The following SUGCT variants were observed in gnomAD, a reference collection of about 807,000 sequenced individuals.
The protein encoded by SUGCT is succinyl-CoA:glutarate CoA-transferase.
A neutral mutation model predicts 55.0 loss-of-function variants in SUGCT; 41 were observed. The observed-to-expected ratio is 0.74, with a 90% CI of 0.58 to 0.97. SUGCT has a LOEUF of 0.97. SUGCT is among the 50% of genes least tolerant of loss of function. The probability of loss-of-function intolerance (pLI) is 0.00; values close to 1 mark genes in which losing one functional copy is unlikely to be tolerated. For synonymous variants in SUGCT, 187 were observed against 200.4 expected, an observed-to-expected ratio of 0.93 and a Z score of 0.56; for missense variants, 568 against 547.8, an observed-to-expected ratio of 1.04 and a Z score of -0.37.
chr7:40,220,049 T>C (rs752122970), intron 6 of SUGCT, among the ~76,000 whole-genome samples: 29 of 152,224 alleles, frequency 1.9e-4, no homozygotes, highest in Admixed American at 1.0e-3. Context: ...AGGAGACACA[T>C]GATTTATCAT....
intron 12 of SUGCT, among the ~76,000 whole-genome samples, chr7:40,506,565 G>A (rs1738222612): frequency 6.6e-6 from 1 of 152,012 alleles, no homozygotes; most frequent in African/African-American, 2.4e-5. Flanking sequence ...AGTTCATTGA[G>A]GTTCTTGGAT....
At chr7:40,511,174 C>A (rs551088732) in intron 12 of SUGCT, among the ~76,000 whole-genome samples, 8 of 152,248 alleles carry the variant, frequency 5.3e-5, no homozygotes, top group Admixed American at 1.3e-4. Flanking sequence ...TTAACCAAGT[C>A]ATCATACATC....
intron 13 of SUGCT, among the ~76,000 whole-genome samples, chr7:40,850,380 C>T (rs569576583): frequency 6.6e-6 from 1 of 152,150 alleles, no homozygotes; most frequent in Non-Finnish European, 1.5e-5. Context: ...AAGGACTGAG[C>T]AAAATGAATG....
intron 12 of SUGCT, among the ~76,000 whole-genome samples, chr7:40,719,076 G>A (rs920947525): frequency 2.6e-5 from 4 of 152,084 alleles, no homozygotes; most frequent in Non-Finnish European, 4.4e-5. Context: ...GATAAAGCCC[G>A]ATGCCCCGAC....
intron 12 of SUGCT, among the ~76,000 whole-genome samples, chr7:40,513,046 C>T (rs1020534681): frequency 2.6e-5 from 4 of 152,084 alleles, no homozygotes; most frequent in African/African-American, 4.8e-5. Context: ...GATGTAGATA[C>T]GCCTGTATAC....
chr7:40,478,887 C>T (rs1042869950), intron 11 of SUGCT, among the ~76,000 whole-genome samples: 6 of 151,916 alleles, frequency 3.9e-5, no homozygotes, highest in African/African-American at 1.2e-4. Context: ...CAAATCAAAT[C>T]GATTCGATAT....
At chr7:40,195,801 G>A (rs1417285093) in intron 6 of SUGCT, among the ~76,000 whole-genome samples, 1 of 131,658 alleles carries the variant, frequency 7.6e-6, no homozygotes, top group African/African-American at 2.9e-5. Flanking sequence ...TGCACCCTCT[G>A]CCCCTAGGTT....
At chr7:40,595,417 C>T (rs1336066413) in intron 12 of SUGCT, among the ~76,000 whole-genome samples, 3 of 152,070 alleles carry the variant, frequency 2.0e-5, no homozygotes, top group African/African-American at 7.2e-5. Context: ...CGAATAGAGT[C>T]AGTGAAAGTT....
intron 9 of SUGCT, among the ~76,000 whole-genome samples, chr7:40,446,494 C>T (rs1788847202): frequency 6.6e-6 from 1 of 152,144 alleles, no homozygotes; most frequent in Admixed American, 6.6e-5. Flanking sequence ...AATGCATTGT[C>T]TATGACACTA....
the SUGCT span, among the ~76,000 whole-genome samples, chr7:40,980,385 C>T: frequency 6.6e-6 from 1 of 152,118 alleles, no homozygotes; most frequent in African/African-American, 2.4e-5. Flanking sequence ...AATTCATGCC[C>T]TTATTGCATA....
chr7:40,673,377 G>A (rs1477747606), intron 12 of SUGCT, among the ~76,000 whole-genome samples: 1 of 152,018 alleles, frequency 6.6e-6, no homozygotes, highest in Non-Finnish European at 1.5e-5. Context: ...AACCACCTGT[G>A]GGCTCTGCTC....
At chr7:40,325,908 TG>T (rs577839294) in intron 9 of SUGCT, among the ~76,000 whole-genome samples, 14,821 of 143,684 alleles carry the variant, frequency 0.1, 1,393 homozygotes, top group East Asian at 0.41. Context: ...CTTTTTTTTT[TG>T]TTTGTTTTTG....
the SUGCT span, among the ~76,000 whole-genome samples, chr7:40,922,951 T>C: frequency 2.2e-4 from 33 of 152,344 alleles, no homozygotes; most frequent in African/African-American, 7.5e-4. Flanking sequence ...GTCTTGAAAG[T>C]GCCCAGCTCT....
At chr7:40,659,065 C>G (rs1237428669) in intron 12 of SUGCT, among the ~76,000 whole-genome samples, 1 of 152,170 alleles carries the variant, frequency 6.6e-6, no homozygotes, top group Non-Finnish European at 1.5e-5. Context: ...TCACTAGTCT[C>G]TGCTTATGAA....
chr7:40,265,661 A>C (rs184975295), intron 7 of SUGCT, among the ~76,000 whole-genome samples: 44 of 152,274 alleles, frequency 2.9e-4, no homozygotes, highest in African/African-American at 6.3e-4. Context: ...AACAAACAAA[A>C]AAAAAACCTT....
chr7:40,680,824 C>G (rs1020619370), intron 12 of SUGCT, among the ~76,000 whole-genome samples: 2 of 152,144 alleles, frequency 1.3e-5, no homozygotes, highest in Non-Finnish European at 2.9e-5. Flanking sequence ...GGTTGGCAGT[C>G]TTCTAAAGTA....
At chr7:40,968,942 G>A in the SUGCT span, among the ~76,000 whole-genome samples, 3 of 152,162 alleles carry the variant, frequency 2.0e-5, no homozygotes, top group Non-Finnish European at 4.4e-5. Context: ...GTAGCCAAGT[G>A]GATCCTGAGC....
intron 13 of SUGCT, among the ~76,000 whole-genome samples, chr7:40,794,702 C>A (rs1790465373): frequency 6.6e-6 from 1 of 152,108 alleles, no homozygotes; most frequent in African/African-American, 2.4e-5. Context: ...CTCCTGCCTT[C>A]CGGAAAGATT....
At chr7:40,903,613 C>T in the SUGCT span, among the ~76,000 whole-genome samples, 1 of 152,242 alleles carries the variant, frequency 6.6e-6, no homozygotes, top group African/African-American at 2.4e-5. Context: ...ACAACAACAA[C>T]AAAAGCTTCA....
Sources: allele counts gnomAD v4.1 joint callset (sites outside exome capture counted in the v4.1 genomes callset), GRCh38; gene constraint gnomAD v4.1.1; transcripts MANE v1.5; gene names NCBI Gene and HGNC (gene_info 2026-07-23, HGNC 2026-07-21).